ABCB1: variants seen among roughly 807,000 people sequenced by gnomAD.
ABCB1 encodes the protein ATP binding cassette subfamily B member 1, also known as ATP-dependent translocase ABCB1.
ABCB1 carries 69 observed loss-of-function variants against 142.0 expected under a neutral mutation model. That is an observed-to-expected ratio of 0.49 (90% CI 0.40 to 0.59). ABCB1 has a LOEUF of 0.59. Among genes scored for constraint, ABCB1 ranks in the 20% least tolerant of loss-of-function variants. The pLI is 0.00. For missense variants in ABCB1, 1,326 were observed against 1,554.7 expected, an observed-to-expected ratio of 0.85 and a Z score of 2.47; for synonymous variants, 532 against 539.2, an observed-to-expected ratio of 0.99 and a Z score of 0.18.
intron 22 of ABCB1, among the ~76,000 whole-genome samples, chr7:87,519,835 C>T (rs1433868874): frequency 6.6e-6 from 1 of 152,194 alleles, no homozygotes; most frequent in Non-Finnish European, 1.5e-5. Flanking sequence ...TCATTCTGCA[C>T]ACAGTTACCC....
intron 1 of ABCB1, among the ~76,000 whole-genome samples, chr7:87,626,346 CATAT>C (rs1216579913): frequency 3.9e-5 from 1 of 25,652 alleles, no homozygotes; most frequent in Non-Finnish European, 5.8e-5. Context: ...GTATATGTGT[CATAT>C]ATATGTGTCA....
chr7:87,531,810 A>G lies in ABCB1; in HGVS notation c.2482-313T>C. ...AGCAATATCTGCAAATTAGCAAGAT[A>G]AAGGAGTCTGACAAACTAGGAATGA... On this transcript the variant is annotated intron_variant, in intron 20 of 27. Transcript: ENST00000622132. 9.5e-6 allele frequency: 3 copies of G among 315,248 alleles called. No individual in the cohort carries two copies. The South Asian group carries it at 1.1e-4, about 12-fold the overall frequency. 19.5% of individuals were successfully genotyped at this position (315,248 alleles called of 1,614,324 possible).
rs558194603 is a variant in ABCB1, at chr7:87,513,848, C to G, written c.3282+1383G>C. On this transcript the variant is annotated intron_variant, in intron 25 of 27. Transcript: ENST00000622132. ...TCATTATAGCACAATCTTTAACACACCACTTAATAACTGTCTGTTGAGGGC... is the reference window on the plus strand; with the variant it reads ...TCATTATAGCACAATCTTTAACACAGCACTTAATAACTGTCTGTTGAGGGC... Among the ~76,000 whole-genome samples, 14 of 152,324 alleles carry G rather than the reference C, an allele frequency of 9.2e-5. No individual in the cohort carries two copies. In the South Asian group the frequency reaches 2.7e-3, roughly 29 times the overall value.
intron 1 of ABCB1, among the ~76,000 whole-genome samples, chr7:87,618,386 G>C (rs893728008): frequency 5.1e-4 from 78 of 152,074 alleles, no homozygotes; most frequent in African/African-American, 1.7e-3. Flanking sequence ...AATATTTATT[G>C]AATAAATAAA....
intron 1 of ABCB1, among the ~76,000 whole-genome samples, chr7:87,639,518 T>C (rs970045731): frequency 6.6e-6 from 1 of 152,164 alleles, no homozygotes; most frequent in Non-Finnish European, 1.5e-5. Context: ...TGTAGATTTG[T>C]CTGTTTCTCC....
At chr7:87,672,229 A>G (rs147165115) in intron 1 of ABCB1, among the ~76,000 whole-genome samples, 368 of 152,346 alleles carry the variant, frequency 2.4e-3, no homozygotes, top group African/African-American at 8.2e-3. Context: ...TAGGAGGAAC[A>G]GGATCAGGTA....
chr7:87,689,100 G>A (rs1035451630), intron 1 of ABCB1, among the ~76,000 whole-genome samples: 1 of 151,886 alleles, frequency 6.6e-6, no homozygotes, highest in East Asian at 1.9e-4. Flanking sequence ...TGGCTTCTGG[G>A]GAAGGGGGAT....
chr7:87,629,845 G>A (rs140823126), intron 1 of ABCB1, among the ~76,000 whole-genome samples: 1,554 of 151,452 alleles, frequency 0.01, 27 homozygotes, highest in African/African-American at 0.036. Context: ...AGAATCGATT[G>A]AACCTGGGAG....
chr7:87,566,022 G>T (rs1417034061), intron 7 of ABCB1, 48 bp downstream of exon 7: 3 of 1,599,776 alleles, frequency 1.9e-6, no homozygotes, highest in Non-Finnish European at 2.6e-6. Context: ...GTGAGAGCAG[G>T]AAGGGAGAAG....
chr7:87,563,485 C>A, intron 7 of ABCB1: 2 of 341,810 alleles, frequency 5.9e-6, no homozygotes, highest in South Asian at 2.4e-5. Flanking sequence ...TAGGCTTTAT[C>A]CTCAGGATGC....
intron 21 of ABCB1, chr7:87,522,126 C>A (rs1584843333): frequency 2.9e-6 from 4 of 1,356,330 alleles, no homozygotes; most frequent in Non-Finnish European, 1.0e-6. Flanking sequence ...GAGGAAACTT[C>A]AGTGGTCATT....
At chr7:87,554,588 G>A (rs1817234509) in intron 8 of ABCB1, among the ~76,000 whole-genome samples, 1 of 152,176 alleles carries the variant, frequency 6.6e-6, no homozygotes, top group Non-Finnish European at 1.5e-5. Context: ...TTGGCTTACA[G>A]GTTTATAAAA....
At chr7:87,692,213 G>T (rs978294013) in intron 1 of ABCB1, among the ~76,000 whole-genome samples, 1 of 152,098 alleles carries the variant, frequency 6.6e-6, no homozygotes, top group Non-Finnish European at 1.5e-5. Context: ...TGCTTTGGGA[G>T]ACCACGGCAG....
chr7:87,671,539 G>C (rs761102214), intron 1 of ABCB1, among the ~76,000 whole-genome samples: 33 of 152,110 alleles, frequency 2.2e-4, no homozygotes, highest in Non-Finnish European at 2.6e-4. Flanking sequence ...CTAGTACCTG[G>C]AGGTATCACC....
intron 3 of ABCB1, among the ~76,000 whole-genome samples, chr7:87,594,736 A>G (rs969207431): frequency 6.6e-6 from 1 of 152,204 alleles, no homozygotes; most frequent in Non-Finnish European, 1.5e-5. Context: ...GGCAAGAGCA[A>G]TGGTAGCACA....
chr7:87,635,285 A>G (rs1821651908), intron 1 of ABCB1, among the ~76,000 whole-genome samples: 2 of 152,190 alleles, frequency 1.3e-5, no homozygotes, highest in Admixed American at 1.3e-4. Context: ...GAAAGATTCC[A>G]TCAGTCTGCA....
intron 2 of ABCB1, among the ~76,000 whole-genome samples, chr7:87,599,859 A>G (rs1213935576): frequency 6.6e-6 from 1 of 152,174 alleles, no homozygotes; most frequent in Non-Finnish European, 1.5e-5. Flanking sequence ...GCTTCCATGT[A>G]CCCCATTTCA....
intron 1 of ABCB1, among the ~76,000 whole-genome samples, chr7:87,681,041 G>A (rs1449451642): frequency 6.7e-6 from 1 of 150,298 alleles, no homozygotes; most frequent in South Asian, 2.1e-4. Flanking sequence ...ATGAAAGAGG[G>A]CATATGACTA....
chr7:87,619,656 G>A (rs1280211614), intron 1 of ABCB1, among the ~76,000 whole-genome samples: 2 of 151,838 alleles, frequency 1.3e-5, no homozygotes, highest in African/African-American at 4.8e-5. Flanking sequence ...AAATTTATGA[G>A]TTGAAGATTG....
Sources: allele counts gnomAD v4.1 joint callset (sites outside exome capture counted in the v4.1 genomes callset), GRCh38; gene constraint gnomAD v4.1.1; transcripts MANE v1.5; gene names NCBI Gene and HGNC (gene_info 2026-07-23, HGNC 2026-07-21).